The following MROH9 variants were observed in gnomAD, a reference collection of about 807,000 sequenced individuals.
MROH9 encodes maestro heat like repeat family member 9, also known as maestro heat-like repeat-containing protein family member 9.
In MROH9, 92 loss-of-function variants were observed where a neutral mutation model predicts 98.2. The observed-to-expected ratio is 0.94, with a 90% CI of 0.79 to 1.11. The LOEUF is 1.11. MROH9 is among the 50% of genes most tolerant of loss of function. MROH9 has a pLI of 0.00. For missense variants in MROH9, 1,057 were observed against 1,014.8 expected (o/e 1.04, Z -0.57); for synonymous variants, 397 against 368.9 (o/e 1.08, Z -0.87).
chr1:171,017,228 G>T (rs1333670804), intron 17 of MROH9, among the ~76,000 whole-genome samples: 1 of 152,190 alleles, frequency 6.6e-6, no homozygotes, highest in Non-Finnish European at 1.5e-5. Context: ...TGCAAATCCT[G>T]CACTGGCAAC....
Position 170,999,326 on chromosome 1 carries a change from T to TC in MROH9, c.1596+1057dup, listed in dbSNP as rs1251068349. ...TATCCCTCAGCTCTCTCCCACTCTT[T>TC]CCCCCAAGTCCCCAAAGTCCATTGT... On this transcript the variant is annotated intron_variant, in intron 15 of 21. Transcript: ENST00000367759. 2.0e-5 allele frequency among the ~76,000 whole-genome samples: 3 copies of TC among 151,874 alleles called. No individual in the cohort carries two copies. The South Asian group carries it at 6.2e-4, about 31-fold the overall frequency.
At chr1:171,050,652 CTTTA>C (rs1408164149) in intron 20 of MROH9, among the ~76,000 whole-genome samples, 1 of 152,192 alleles carries the variant, frequency 6.6e-6, no homozygotes, top group Admixed American at 6.5e-5. Flanking sequence ...GTTTGATGCC[CTTTA>C]TTTATTTCTC....
chr1:171,019,614 G>A (rs1652441438), intron 17 of MROH9, among the ~76,000 whole-genome samples: 1 of 151,518 alleles, frequency 6.6e-6, no homozygotes, highest in African/African-American at 2.4e-5. Flanking sequence ...TCACACCACT[G>A]CACTCCAGTC....
At chr1:171,002,618 T>C (rs1651818182) in intron 15 of MROH9, among the ~76,000 whole-genome samples, 1 of 152,194 alleles carries the variant, frequency 6.6e-6, no homozygotes, top group Non-Finnish European at 1.5e-5. Flanking sequence ...TGCCGAGAAG[T>C]CTTCTGTTAA....
chr1:170,983,154 T>A (rs1387430492), intron 8 of MROH9, among the ~76,000 whole-genome samples: 1 of 152,160 alleles, frequency 6.6e-6, no homozygotes, highest in Non-Finnish European at 1.5e-5. Context: ...AACCATGCAT[T>A]TGATGGTCTA....
At chr1:170,937,515 ATTTTT>A (rs71125282) in intron 1 of MROH9, among the ~76,000 whole-genome samples, 1 of 113,550 alleles carries the variant, frequency 8.8e-6, no homozygotes. Context: ...CATAATCAGT[ATTTTT>A]TTTTTTTTTT....
chr1:171,061,527 T>C (rs1654014903), intron 20 of MROH9, among the ~76,000 whole-genome samples: 1 of 152,186 alleles, frequency 6.6e-6, no homozygotes, highest in Non-Finnish European at 1.5e-5. Context: ...ATATAGCAGG[T>C]TCAGCAAACT....
At chr1:170,995,122 A>T (rs1651510221) in intron 12 of MROH9, among the ~76,000 whole-genome samples, 2 of 152,080 alleles carry the variant, frequency 1.3e-5, no homozygotes, top group South Asian at 4.1e-4. Flanking sequence ...CTACCTTGGA[A>T]ACCAACCTGC....
Position 171,024,701 on chromosome 1 carries a change from C to T in MROH9, c.2114C>T (p.Ser705Leu), listed in dbSNP as rs1470509729. ...ICTSQLKWST[S>L]RLLKDENYSF... ...ACCTCACAATTAAAGTGGTCAACAT[C>T]ACGTTTGCTCAAAGATGAAAATTAC... is the stretch of plus-strand genomic sequence containing the variant. Residue 705 changes from serine (S) to leucine (L), a missense_variant, in exon 19 of 22, where the codon TCA (serine) becomes TTA (leucine). Coordinates refer to ENST00000367759, the MANE Select transcript of MROH9 (RefSeq NM_001163629.2). 2.6e-6 allele frequency: 4 copies of T among 1,551,070 alleles called. No individual in the cohort carries two copies. Among genetic ancestry groups the T allele is most frequent in the Non-Finnish European group, 3.5e-6 (4 of 1,146,746 alleles).
intron 15 of MROH9, among the ~76,000 whole-genome samples, chr1:171,003,412 A>G (rs958865060): frequency 2.0e-5 from 3 of 152,022 alleles, no homozygotes; most frequent in African/African-American, 7.2e-5. Flanking sequence ...CTGTTGTTCA[A>G]ATTTTTTTGT....
chr1:170,988,679 AAT>A (rs1651240197), intron 10 of MROH9, among the ~76,000 whole-genome samples: 1 of 152,220 alleles, frequency 6.6e-6, no homozygotes, highest in Admixed American at 6.5e-5. Flanking sequence ...TAGGTTCTAA[AAT>A]GAGTTATAAG....
intron 20 of MROH9, among the ~76,000 whole-genome samples, chr1:171,059,267 C>T (rs1653942990): frequency 6.6e-6 from 1 of 152,118 alleles, no homozygotes; most frequent in Non-Finnish European, 1.5e-5. Context: ...AAGACTTTTA[C>T]ATGGCCAACA....
intron 3 of MROH9, among the ~76,000 whole-genome samples, chr1:170,952,233 A>G (rs1280230219): frequency 6.6e-6 from 1 of 152,020 alleles, no homozygotes; most frequent in African/African-American, 2.4e-5. Context: ...CATTTGACCC[A>G]GCCATCCCAT....
At position 171,014,198 on chromosome 1, in the gene MROH9, G is replaced by A; in HGVS notation, c.1678G>A (p.Val560Ile). ...AAACTGGATCAATGATTCCAATCCTGTAGTTAGCAGACTGATCCTTCATAG... is the reference window on the plus strand; with the variant it reads ...AAACTGGATCAATGATTCCAATCCTATAGTTAGCAGACTGATCCTTCATAG... ...FINWINDSNP[V>I]VSRLILHRIV... Residue 560 changes from valine (V) to isoleucine (I), a missense_variant, in exon 16 of 22, where the codon GTA (valine) becomes ATA (isoleucine). Val to Ile is a conservative substitution (Grantham distance 29, BLOSUM62 3). Transcript: ENST00000367759. The A allele has an allele frequency of 1.3e-6, 2 of 1,551,166 alleles. No homozygotes were observed. The highest frequency in any genetic ancestry group is 1.7e-6 in the Non-Finnish European group (2 of 1,146,712).
rs190915020 is a variant in MROH9 at position 170,957,954 on chromosome 1, G to A, written c.73-507G>A. On this transcript the variant is annotated intron_variant, in intron 3 of 21. Coordinates refer to ENST00000367759, the MANE Select transcript of MROH9 (RefSeq NM_001163629.2). ...CTCCCGAGTAGCTGGGACTACAGGC[G>A]CCCGCTACCACGCCCGGCTAATTTT... Among the ~76,000 whole-genome samples the A allele has an allele frequency of 7.8e-4, 118 of 152,096 alleles. 2 individuals are homozygous for A. In the East Asian group the frequency reaches 0.02, roughly 25 times the overall value.
At chr1:170,973,092 A>G (rs1386359685) in intron 8 of MROH9, among the ~76,000 whole-genome samples, 1 of 151,654 alleles carries the variant, frequency 6.6e-6, no homozygotes, top group Non-Finnish European at 1.5e-5. Flanking sequence ...ACCAGAACGG[A>G]GTACATGAGT....
intron 20 of MROH9, among the ~76,000 whole-genome samples, chr1:171,039,833 A>G (rs1012903888): frequency 2.0e-5 from 3 of 152,178 alleles, no homozygotes; most frequent in African/African-American, 4.8e-5. Flanking sequence ...AAGTTTTTTT[A>G]AAAGCATTAT....
chr1:170,976,053 T>G (rs61815984), intron 8 of MROH9, among the ~76,000 whole-genome samples: 12,626 of 152,268 alleles, frequency 0.083, 653 homozygotes, highest in Non-Finnish European at 0.11. Context: ...TCATTACATG[T>G]GAGATGGGTC....
Position 171,012,705 on chromosome 1 carries a change from A to G in MROH9, c.1597-1412A>G, listed in dbSNP as rs553503120. The stretch of plus-strand genomic sequence containing the variant: ...TTTTTAGTAGAGACGGGGTTTCACC[A>G]TGTTATCCAGGATGGTCTCGATCTT... On this transcript the variant is annotated intron_variant, in intron 15 of 21. Transcript: ENST00000367759. Among the ~76,000 whole-genome samples, 327 of 151,946 alleles carry G rather than the reference A, an allele frequency of 2.2e-3. 4 individuals are homozygous for G. The highest frequency in any genetic ancestry group is 8.9e-3 in the East Asian group (46 of 5,152).
Sources: allele counts gnomAD v4.1 joint callset (sites outside exome capture counted in the v4.1 genomes callset), GRCh38; gene constraint gnomAD v4.1.1; transcripts MANE v1.5; gene names NCBI Gene and HGNC (gene_info 2026-07-23, HGNC 2026-07-21).